CDH8: variants seen among roughly 807,000 people sequenced by gnomAD.
CDH8 encodes the protein cadherin 8, also known as cadherin-8.
A neutral mutation model predicts 68.1 loss-of-function variants in CDH8; 17 were observed. The ratio of observed to expected loss-of-function variants is 0.25; its 90% CI spans 0.17 to 0.37. CDH8 has a LOEUF of 0.37. CDH8 is among the 10% of genes least tolerant of loss of function. The pLI, the probability that CDH8 is intolerant of heterozygous loss-of-function variation, is 1.00. For synonymous variants in CDH8, 372 were observed against 365.1 expected (o/e 1.02, Z -0.21); for missense variants, 763 against 999.3 (o/e 0.76, Z 3.19).
At chr16:61,944,084 A>G (rs1964764535) in intron 2 of CDH8, among the ~76,000 whole-genome samples, 2 of 152,172 alleles carry the variant, frequency 1.3e-5, no homozygotes, top group African/African-American at 2.4e-5. Context: ...TGGGCAAGCT[A>G]CTTATTATTT....
chr16:61,688,978 C>T (rs1387528759), intron 10 of CDH8, among the ~76,000 whole-genome samples: 1 of 152,010 alleles, frequency 6.6e-6, no homozygotes, highest in East Asian at 1.9e-4. Flanking sequence ...TAAATCCAGG[C>T]ATTAACCACC....
intron 10 of CDH8, among the ~76,000 whole-genome samples, chr16:61,662,183 C>T (rs1396361815): frequency 1.4e-5 from 2 of 146,654 alleles, no homozygotes; most frequent in Non-Finnish European, 3.0e-5. Flanking sequence ...AGTATCTTGG[C>T]TGTTCACTAC....
chr16:62,009,270 T>G (rs2150602771), intron 2 of CDH8, among the ~76,000 whole-genome samples: 1 of 152,194 alleles, frequency 6.6e-6, no homozygotes. Context: ...CCAGAACTGC[T>G]CAGGAGAAAG....
intron 10 of CDH8, among the ~76,000 whole-genome samples, chr16:61,668,077 G>A (rs778818992): frequency 6.6e-6 from 1 of 151,916 alleles, no homozygotes; most frequent in Non-Finnish European, 1.5e-5. Flanking sequence ...AAGTGGACAA[G>A]GCAACTGGTG....
intron 2 of CDH8, among the ~76,000 whole-genome samples, chr16:61,990,500 G>C (rs1965696861): frequency 6.6e-6 from 1 of 151,702 alleles, no homozygotes; most frequent in South Asian, 2.1e-4. Context: ...ATATAAAGCA[G>C]AGGCATTCCT....
At chr16:61,881,976 A>C (rs2143133843) in intron 3 of CDH8, among the ~76,000 whole-genome samples, 1 of 152,322 alleles carries the variant, frequency 6.6e-6, no homozygotes, top group Non-Finnish European at 1.5e-5. Flanking sequence ...TAGTAATAGA[A>C]GCTCTGTAGA....
At chr16:62,034,178 A>C (rs890287636) in intron 1 of CDH8, among the ~76,000 whole-genome samples, 5 of 134,766 alleles carry the variant, frequency 3.7e-5, no homozygotes, top group Admixed American at 2.2e-4. Flanking sequence ...CCTCATATAT[A>C]TATCTCTCTC....
rs201900569 is a variant in CDH8 at position 61,929,430 on chromosome 16, A to G, written c.253-27957T>C. On this transcript the variant is annotated intron_variant, in intron 2 of 11. Transcript: ENST00000577390. The stretch of plus-strand genomic sequence containing the variant: ...GTTTGGGCTAGGTGTTTTCATTCTC[A>G]ACTATCTCAGAAAGGGTTGGCTGTT... Among the ~76,000 whole-genome samples, 11 of 152,220 alleles carry G rather than the reference A, an allele frequency of 7.2e-5. No homozygotes were observed. The East Asian group carries it at 2.1e-3, about 30-fold the overall frequency.
At chr16:61,962,600 G>A (rs1222360402) in intron 2 of CDH8, among the ~76,000 whole-genome samples, 1 of 152,180 alleles carries the variant, frequency 6.6e-6, no homozygotes. Flanking sequence ...AGGAGTTAAT[G>A]AGCTTTGACT....
intron 3 of CDH8, among the ~76,000 whole-genome samples, chr16:61,877,329 G>T: frequency 6.6e-6 from 1 of 151,868 alleles, no homozygotes; most frequent in East Asian, 1.9e-4. Context: ...AGGTTTCTAG[G>T]CATTTGCTGG....
intron 10 of CDH8, among the ~76,000 whole-genome samples, chr16:61,688,682 A>G (rs1964153786): frequency 1.3e-5 from 2 of 151,928 alleles, no homozygotes. Context: ...ATTCCCTGCC[A>G]TTCTATCCTC....
At chr16:61,733,327 A>G (rs1209087087) in intron 8 of CDH8, among the ~76,000 whole-genome samples, 2 of 151,912 alleles carry the variant, frequency 1.3e-5, no homozygotes, top group African/African-American at 4.8e-5. Flanking sequence ...ACATTTCCCT[A>G]GTCTCCAAAT....
chr16:61,653,998 T>C lies in CDH8; in HGVS notation c.2010A>G (p.Glu670=). The change falls in exon 12 of 12, where the codon GAA becomes GAG. Residue 670 remains glutamate (E), a synonymous_variant. Transcript: ENST00000577390. ...CCTCTGTGTCCTCCTCCCCTCCTCCTTCATCATCGTAGCGAATGATGTTTT... is the reference window on the plus strand; with the variant it reads ...CCTCTGTGTCCTCCTCCCCTCCTCCCTCATCATCGTAGCGAATGATGTTTT... ...VRENIIRYDD[E]GGGEEDTEAF... is the part of the protein sequence containing the mutation. 1 of 1,614,020 alleles carries C rather than the reference T, an allele frequency of 6.2e-7. No individual in the cohort carries two copies. The highest frequency in any genetic ancestry group is 8.5e-7 in the Non-Finnish European group (1 of 1,179,892).
intron 2 of CDH8, among the ~76,000 whole-genome samples, chr16:61,961,053 T>C (rs1231540233): frequency 1.3e-5 from 2 of 152,126 alleles, no homozygotes; most frequent in African/African-American, 2.4e-5. Context: ...CGGTGGCTCA[T>C]GCCTGTAATT....
chr16:61,704,538 A>C (rs1290553692), intron 10 of CDH8, among the ~76,000 whole-genome samples: 2 of 152,194 alleles, frequency 1.3e-5, no homozygotes, highest in Non-Finnish European at 2.9e-5. Context: ...TGATTTTTGA[A>C]AGTTAAAAAA....
intron 4 of CDH8, among the ~76,000 whole-genome samples, chr16:61,840,268 T>TA (rs889579824): frequency 3.1e-4 from 47 of 151,896 alleles, no homozygotes; most frequent in Admixed American, 5.3e-4. Context: ...TCCTCCTTGG[T>TA]AAAAAAAAGC....
At chr16:62,005,734 T>TAAA (rs10552670) in intron 2 of CDH8, among the ~76,000 whole-genome samples, 8 of 114,026 alleles carry the variant, frequency 7.0e-5, no homozygotes, top group Non-Finnish European at 1.2e-4. Flanking sequence ...GACTTCGTCT[T>TAAA]AAAAAAAAAA....
intron 3 of CDH8, among the ~76,000 whole-genome samples, chr16:61,866,915 A>G (rs558658244): frequency 6.6e-6 from 1 of 152,304 alleles, no homozygotes; most frequent in South Asian, 2.1e-4. Context: ...GAACAGAGAT[A>G]TAAGCATTAC....
chr16:61,872,504 A>C (rs534034056), intron 3 of CDH8, among the ~76,000 whole-genome samples: 1 of 152,330 alleles, frequency 6.6e-6, no homozygotes, highest in East Asian at 1.9e-4. Context: ...TATCAATACA[A>C]AGGAATGCCT....
Sources: gnomAD v4.1 joint callset for allele counts (sites outside exome capture counted in the v4.1 genomes callset) on GRCh38, gnomAD v4.1.1 for gene constraint, MANE v1.5 for transcripts, NCBI Gene and HGNC (gene_info 2026-07-23, HGNC 2026-07-21) for gene names.